The following NALF1 variants were observed in gnomAD, a reference collection of about 807,000 sequenced individuals.
The protein encoded by NALF1 is family with sequence similarity 155 member A.
In NALF1, 3 loss-of-function variants were observed where a neutral mutation model predicts 48.4. The ratio of observed to expected loss-of-function variants is 0.06; its 90% CI spans 0.03 to 0.16. The LOEUF (loss-of-function observed/expected upper bound fraction) is 0.16, where lower values mean the gene tolerates loss of function less well. Among genes scored for constraint, NALF1 ranks in the 10% least tolerant of loss-of-function variants. The pLI is 1.00. For synonymous variants in NALF1, 262 were observed against 245.7 expected (o/e 1.07, Z -0.62); for missense variants, 526 against 571.5 (o/e 0.92, Z 0.81).
chr13:107,419,594 A>T (rs1157527727), intron 1 of NALF1, among the ~76,000 whole-genome samples: 1 of 152,118 alleles, frequency 6.6e-6, no homozygotes, highest in Non-Finnish European at 1.5e-5. Flanking sequence ...GGGAGATTGA[A>T]CTCTGTGGCC....
chr13:107,779,051 G>A (rs1877816622), intron 1 of NALF1, among the ~76,000 whole-genome samples: 1 of 152,160 alleles, frequency 6.6e-6, no homozygotes, highest in African/African-American at 2.4e-5. Flanking sequence ...CGAGATTTAT[G>A]AGAAGCTAAT....
intron 1 of NALF1, among the ~76,000 whole-genome samples, chr13:107,780,251 T>C (rs1877850143): frequency 1.3e-5 from 2 of 152,076 alleles, no homozygotes; most frequent in Non-Finnish European, 2.9e-5. Context: ...TGCCTTCCCT[T>C]CTTAATTTCC....
At chr13:107,713,582 G>A (rs908251597) in intron 1 of NALF1, among the ~76,000 whole-genome samples, 7 of 152,146 alleles carry the variant, frequency 4.6e-5, no homozygotes, top group Non-Finnish European at 1.0e-4. Flanking sequence ...CACATTAATA[G>A]ATTTAAGAGT....
intron 1 of NALF1, among the ~76,000 whole-genome samples, chr13:107,865,022 C>A (rs1211800033): frequency 1.3e-5 from 2 of 152,210 alleles, no homozygotes; most frequent in South Asian, 2.1e-4. Flanking sequence ...TCACTAGACA[C>A]CTAATTACAA....
chr13:107,860,172 C>T (rs1229000620), intron 1 of NALF1, among the ~76,000 whole-genome samples: 4 of 152,162 alleles, frequency 2.6e-5, no homozygotes, highest in African/African-American at 9.7e-5. Flanking sequence ...CCATCTCCTT[C>T]TCTCCATGAT....
chr13:107,416,341 T>G (rs1884088776), intron 1 of NALF1, among the ~76,000 whole-genome samples: 1 of 151,830 alleles, frequency 6.6e-6, no homozygotes, highest in African/African-American at 2.4e-5. Context: ...TCAGTGAAAG[T>G]TACAGAGAGT....
chr13:107,536,902 A>T (rs1876838394), intron 1 of NALF1, among the ~76,000 whole-genome samples: 1 of 151,988 alleles, frequency 6.6e-6, no homozygotes, highest in African/African-American at 2.4e-5. Flanking sequence ...TGCAGCCATA[A>T]AAAAAGGATG....
At chr13:107,230,814 C>T (rs1429515316) in intron 1 of NALF1, among the ~76,000 whole-genome samples, 1 of 151,970 alleles carries the variant, frequency 6.6e-6, no homozygotes, top group Admixed American at 6.6e-5. Flanking sequence ...AATCCCAGCA[C>T]GTTGGGAGGC....
intron 1 of NALF1, among the ~76,000 whole-genome samples, chr13:107,839,278 C>G (rs1879983807): frequency 6.6e-6 from 1 of 150,386 alleles, no homozygotes; most frequent in Non-Finnish European, 1.5e-5. Flanking sequence ...TAAGCAGTGT[C>G]CTAACATCTT....
At chr13:107,199,671 A>C (rs904845538) in intron 2 of NALF1, among the ~76,000 whole-genome samples, 3 of 152,158 alleles carry the variant, frequency 2.0e-5, no homozygotes, top group African/African-American at 7.2e-5. Flanking sequence ...CATTCCAGGT[A>C]GCGGAGGTGT....
chr13:107,482,195 G>T (rs928564354), intron 1 of NALF1, among the ~76,000 whole-genome samples: 1 of 152,034 alleles, frequency 6.6e-6, no homozygotes, highest in East Asian at 1.9e-4. Flanking sequence ...CGAGAAGAAG[G>T]AGCTCTGCCT....
chr13:107,512,358 C>T (rs7982525), intron 1 of NALF1, among the ~76,000 whole-genome samples: 7,012 of 152,150 alleles, frequency 0.046, 551 homozygotes, highest in African/African-American at 0.16. Flanking sequence ...CATGCCACTG[C>T]GCTCCAGCCT....
intron 1 of NALF1, among the ~76,000 whole-genome samples, chr13:107,469,632 C>T (rs996240139): frequency 6.6e-6 from 1 of 151,536 alleles, no homozygotes; most frequent in Non-Finnish European, 1.5e-5. Flanking sequence ...ATAGCTGACA[C>T]ACTGTATGTT....
intron 1 of NALF1, among the ~76,000 whole-genome samples, chr13:107,828,772 A>G (rs561425868): frequency 8.5e-5 from 13 of 152,058 alleles, no homozygotes; most frequent in Non-Finnish European, 1.8e-4. Flanking sequence ...CAATTTGTTC[A>G]CCTTCTCAAA....
intron 1 of NALF1, among the ~76,000 whole-genome samples, chr13:107,758,181 A>G (rs886516739): frequency 2.0e-5 from 3 of 152,130 alleles, no homozygotes; most frequent in Admixed American, 2.0e-4. Flanking sequence ...AAGAACTGTG[A>G]TTGCATTTTG....
At chr13:107,672,372 G>A (rs976406913) in intron 1 of NALF1, among the ~76,000 whole-genome samples, 11 of 152,238 alleles carry the variant, frequency 7.2e-5, no homozygotes, top group African/African-American at 1.7e-4. Context: ...AGAATGCTGC[G>A]GTTCAGGTCT....
intron 1 of NALF1, among the ~76,000 whole-genome samples, chr13:107,453,863 CT>C (rs1223186234): frequency 2.0e-5 from 3 of 152,144 alleles, no homozygotes; most frequent in Non-Finnish European, 4.4e-5. Flanking sequence ...CTCTTGAATG[CT>C]TTGCTGCTTA....
chr13:107,836,886 G>T (rs930982168), intron 1 of NALF1, among the ~76,000 whole-genome samples: 1 of 152,142 alleles, frequency 6.6e-6, no homozygotes, highest in African/African-American at 2.4e-5. Flanking sequence ...TAGCATTTAC[G>T]TGACGAACAA....
At chr13:107,192,989 G>T (rs1002352880) in intron 2 of NALF1, among the ~76,000 whole-genome samples, 4 of 151,988 alleles carry the variant, frequency 2.6e-5, no homozygotes, top group Admixed American at 2.6e-4. Flanking sequence ...AAATAAAAAA[G>T]AAAAAATCCT....
Sources: gnomAD v4.1 joint callset for allele counts (sites outside exome capture counted in the v4.1 genomes callset) on GRCh38, gnomAD v4.1.1 for gene constraint, MANE v1.5 for transcripts, NCBI Gene and HGNC (gene_info 2026-07-23, HGNC 2026-07-21) for gene names.